ZNF90: variants seen among roughly 807,000 people sequenced by gnomAD.
ZNF90 encodes zinc finger protein 90.
In ZNF90, 11 loss-of-function variants were observed where a neutral mutation model predicts 12.0. The ratio of observed to expected loss-of-function variants is 0.92; its 90% confidence interval spans 0.58 to 1.52. ZNF90 has a LOEUF of 1.52. ZNF90 is among the 40% of genes most tolerant of loss of function. The pLI is 0.00. For synonymous variants in ZNF90, 232 were observed against 240.1 expected (o/e 0.97, Z 0.31); for missense variants, 765 against 711.5 (o/e 1.08, Z -0.86).
intron 1 of ZNF90, among the ~76,000 whole-genome samples, chr19:20,081,941 T>C (rs2088823532): frequency 6.6e-6 from 1 of 152,028 alleles, no homozygotes; most frequent in African/African-American, 2.4e-5. Flanking sequence ...ATTTTTTGTA[T>C]TTTTAGTAGA....
intron 1 of ZNF90, among the ~76,000 whole-genome samples, chr19:20,102,304 T>C (rs936034642): frequency 6.6e-6 from 1 of 152,204 alleles, no homozygotes; most frequent in African/African-American, 2.4e-5. Context: ...TCACCTGCTC[T>C]GTCCTGAGTC....
At chr19:20,112,019 C>T (rs562479771) in intron 3 of ZNF90, among the ~76,000 whole-genome samples, 125 of 151,862 alleles carry the variant, frequency 8.2e-4, no homozygotes, top group African/African-American at 2.7e-3. Context: ...CCACCATGCC[C>T]GCCTAATTTT....
At chr19:20,097,498 T>C (rs1355803846) in intron 1 of ZNF90, among the ~76,000 whole-genome samples, 2 of 152,232 alleles carry the variant, frequency 1.3e-5, no homozygotes, top group Non-Finnish European at 2.9e-5. Context: ...TCTTTGACTC[T>C]TGTATTTTCA....
In ZNF90 at chr19:20,118,019, T is replaced by G. The variant is rs199584933; in HGVS notation, c.465T>G (p.His155Gln). 1.2e-6 allele frequency: 2 copies of G among 1,612,138 alleles called. No homozygotes were observed. Among genetic ancestry groups the G allele is most frequent in the Admixed American group, 1.7e-5 (1 of 59,490 alleles). The change falls in exon 4 of 4, where the codon CAT becomes CAG. Residue 155 changes from histidine (H) to glutamine (Q), a missense_variant. Coordinates refer to ENST00000418063, the MANE Select transcript of ZNF90 (RefSeq NM_007138.2). ...FQCDTYVKVS[H>Q]IFSNSNRHKI... is the part of the protein sequence containing the mutation. The stretch of plus-strand genomic sequence containing the variant: ...GTGATACATATGTGAAAGTCTCTCA[T>G]ATATTTTCAAATTCAAACAGACATA...
chr19:20,098,814 T>G lies in ZNF90; in HGVS notation c.4-5425T>G, dbSNP rs890501165. On this transcript the variant is annotated intron_variant, in intron 1 of 3. Transcript: ENST00000418063. ...TCTGTCTCAGTGTAAGAGAAACGAG[T>G]CATCCTGTGTTTGTTCCTCCTGTCA... 2.6e-5 allele frequency among the ~76,000 whole-genome samples: 4 copies of G among 152,074 alleles called. No individual in the cohort carries two copies. In the East Asian group the frequency reaches 7.7e-4, roughly 29 times the overall value.
chr19:20,119,158 A>C lies in ZNF90; in HGVS notation c.1604A>C (p.Lys535Thr), dbSNP rs1555706275. The C allele has an allele frequency of 6.2e-7, 1 of 1,612,876 alleles. No individual in the cohort carries two copies. Among genetic ancestry groups the C allele is most frequent in the Middle Eastern group, 1.7e-4 (1 of 6,058 alleles). ...SKHKIIHTGA[K>T]PYKCEECGKA... ...CATAAGATAATTCATACTGGAGCGA[A>C]ACCCTACAAATGTGAAGAATGTGGC... The change falls in exon 4 of 4, where the codon AAA (lysine) becomes ACA (threonine). Residue 535 changes from lysine (K) to threonine (T), a missense_variant. By Grantham distance (78) the Lys-to-Thr change is moderately conservative. Coordinates refer to ENST00000418063, the MANE Select transcript of ZNF90 (RefSeq NM_007138.2).
At chr19:20,085,050 A>C (rs1568282257) in intron 1 of ZNF90, among the ~76,000 whole-genome samples, 1 of 152,026 alleles carries the variant, frequency 6.6e-6, no homozygotes, top group Non-Finnish European at 1.5e-5. Context: ...TATAATTTTA[A>C]GTTTTTCATT....
At chr19:20,087,481 A>G (rs1461450660) in intron 1 of ZNF90, 1 of 152,180 alleles carries the variant, frequency 6.6e-6, no homozygotes, top group Non-Finnish European at 1.5e-5. Context: ...AGTAGAAAGG[A>G]GTTGAAACAC....
At chr19:20,117,475 C>A in intron 3 of ZNF90, 2 of 226,322 alleles carry the variant, frequency 8.8e-6, no homozygotes, top group Non-Finnish European at 1.4e-5. Context: ...TCTGGCTCTG[C>A]TGCCCAGGGT....
In ZNF90 at chr19:20,118,299, A is replaced by G. The variant is rs1017672048; in HGVS notation, c.745A>G (p.Arg249Gly). The change falls in exon 4 of 4, where the codon AGA becomes GGA. Residue 249 changes from arginine to glycine, a missense_variant. Transcript: ENST00000418063. ...KYSSTLTAHK[R>G]IHTGEKRYKC... ...TTCCTCTACCCTTACTGCACATAAG[A>G]GAATTCATACTGGAGAGAAACGGTA... The G allele has an allele frequency of 2.4e-5, 38 of 1,562,378 alleles. 1 individual carries two copies. In the South Asian group the frequency reaches 4.4e-4, roughly 18 times the overall value.
intron 1 of ZNF90, among the ~76,000 whole-genome samples, chr19:20,100,994 G>C (rs1284509184): frequency 6.6e-6 from 1 of 152,132 alleles, no homozygotes; most frequent in East Asian, 1.9e-4. Flanking sequence ...TTGTATGGGA[G>C]TTCTGTTTTC....
rs782544620 is a variant in ZNF90 at position 20,118,011 on chromosome 19, G to T, written c.457G>T (p.Val153Phe). 6.2e-7 allele frequency: 1 copy of T among 1,612,434 alleles called. No individual in the cohort carries two copies. ...KVFQCDTYVK[V>F]SHIFSNSNRH... ...ATTTCAATGTGATACATATGTGAAA[G>T]TCTCTCATATATTTTCAAATTCAAA... The change falls in exon 4 of 4, where the codon GTC becomes TTC. Residue 153 changes from valine (V) to phenylalanine (F), a missense_variant. Val to Phe is a conservative substitution (Grantham distance 50, BLOSUM62 -1). Coordinates refer to ENST00000418063, the MANE Select transcript of ZNF90 (RefSeq NM_007138.2).
chr19:20,106,014 A>T lies in ZNF90; in HGVS notation c.226+698A>T, dbSNP rs1312687106. Among the ~76,000 whole-genome samples the T allele has an allele frequency of 8.9e-5, 13 of 146,132 alleles. No homozygotes were observed. The East Asian group carries it at 2.6e-3, about 29-fold the overall frequency. ...TCAATCTATAGACATAAAATATTTTAAAATTTATTTGGAACTTCTCTAATT... is the reference window on the plus strand; with the variant it reads ...TCAATCTATAGACATAAAATATTTTTAAATTTATTTGGAACTTCTCTAATT... On this transcript the variant is annotated intron_variant, in intron 3 of 3. Transcript: ENST00000418063.
intron 3 of ZNF90, among the ~76,000 whole-genome samples, chr19:20,109,841 CA>C (rs1212982398): frequency 1.1e-4 from 15 of 141,092 alleles, no homozygotes; most frequent in South Asian, 2.3e-4. Context: ...ACTCTGTCTC[CA>C]AAAAAAAAAG....
intron 3 of ZNF90, among the ~76,000 whole-genome samples, chr19:20,111,864 GA>G (rs1301513911): frequency 1.2e-4 from 15 of 127,126 alleles, no homozygotes; most frequent in Admixed American, 1.0e-3. Flanking sequence ...GATTTATGCA[GA>G]TTTTTTTTTT....
chr19:20,117,397 C>CTTTTCTCCTTCCTTCCTTCCTTCCT (rs1294206352), intron 3 of ZNF90, among the ~76,000 whole-genome samples: 1,282 of 90,854 alleles, frequency 0.014, 43 homozygotes, highest in African/African-American at 0.086. Flanking sequence ...CTTTTCTTTT[C>CTTTTCTCCTTCCTTCCTTCCTTCCT]TCCTTCCTTC....
intron 3 of ZNF90, among the ~76,000 whole-genome samples, chr19:20,109,462 A>T (rs189866595): frequency 7.3e-4 from 111 of 152,244 alleles, no homozygotes; most frequent in African/African-American, 2.5e-3. Flanking sequence ...CACTTTTGTG[A>T]TCTGAAGGTA....
intron 1 of ZNF90, chr19:20,080,315 T>TG: frequency 1.9e-6 from 1 of 536,774 alleles, no homozygotes; most frequent in Middle Eastern, 3.9e-4. Flanking sequence ...ACGATCCTTG[T>TG]TTTACCAGTA....
rs1328998148 is a variant in ZNF90 at position 20,106,047 on chromosome 19, T to A, written c.226+731T>A. 2.7e-4 allele frequency among the ~76,000 whole-genome samples: 35 copies of A among 128,924 alleles called. 1 individual carries two copies. The highest frequency in any genetic ancestry group is 3.8e-3 in the Middle Eastern group (1 of 260). 84.6% of individuals were successfully genotyped at this position (128,924 alleles called of 152,430 possible). ...TTTGGAACTTCTCTAATTTTTTCTT[T>A]TTTTTTTTTTTTTTTTTTTTGGTAA... On this transcript the variant is annotated intron_variant, in intron 3 of 3. Coordinates refer to ENST00000418063, the MANE Select transcript of ZNF90 (RefSeq NM_007138.2).
Sources: allele counts gnomAD v4.1 joint callset (sites outside exome capture counted in the v4.1 genomes callset), GRCh38; gene constraint gnomAD v4.1.1; transcripts MANE v1.5; gene names NCBI Gene and HGNC (gene_info 2026-07-23, HGNC 2026-07-21).